The following XRN2 variants were observed in gnomAD, a reference collection of about 807,000 sequenced individuals.
The protein encoded by XRN2 is 5'-3' exoribonuclease 2.
In XRN2, 44 loss-of-function variants were observed where a neutral mutation model predicts 138.5. That is an observed-to-expected ratio of 0.32 (90% CI 0.25 to 0.41). The LOEUF is 0.41. XRN2 is among the 10% of genes least tolerant of loss of function. The pLI, the probability that XRN2 is intolerant of heterozygous loss-of-function variation, is 1.00. For missense variants in XRN2, 937 were observed against 1,169.3 expected, an observed-to-expected ratio of 0.80 and a Z score of 2.90; for synonymous variants, 354 against 369.4, an observed-to-expected ratio of 0.96 and a Z score of 0.48.
intron 13 of XRN2, among the ~76,000 whole-genome samples, chr20:21,338,068 G>A (rs908768997): frequency 9.2e-5 from 14 of 152,146 alleles, no homozygotes; most frequent in Non-Finnish European, 1.6e-4. Context: ...TATGTATCCG[G>A]CATTCAGCTT....
chr20:21,339,963 T>C (rs1033142885), intron 14 of XRN2, among the ~76,000 whole-genome samples: 4 of 152,172 alleles, frequency 2.6e-5, no homozygotes, highest in Non-Finnish European at 5.9e-5. Context: ...TTGCAGTGGG[T>C]TCAAAATCAT....
intron 14 of XRN2, among the ~76,000 whole-genome samples, 162 bp downstream of exon 14, chr20:21,339,250 G>A (rs1392096696): frequency 1.3e-5 from 2 of 152,178 alleles, no homozygotes; most frequent in Non-Finnish European, 2.9e-5. Flanking sequence ...CACTGGTGTC[G>A]ATTTAAAGAA....
intron 9 of XRN2, 115 bp downstream of exon 9, chr20:21,332,555 A>C (rs2038227801): frequency 9.4e-7 from 1 of 1,068,696 alleles, no homozygotes; most frequent in African/African-American, 1.6e-5. Context: ...AAATAGCATT[A>C]AATATTTGAG....
At chr20:21,310,837 C>G (rs1201474505) in intron 1 of XRN2, among the ~76,000 whole-genome samples, 1 of 151,970 alleles carries the variant, frequency 6.6e-6, no homozygotes, top group East Asian at 1.9e-4. Flanking sequence ...CTCCGCCACC[C>G]GGTTTCATGC....
At chr20:21,303,701 G>T in intron 1 of XRN2, 2 of 1,267,492 alleles carry the variant, frequency 1.6e-6, no homozygotes, top group African/African-American at 3.1e-5. Flanking sequence ...GGCCTATAGG[G>T]TTCCGAACTC....
intron 1 of XRN2, among the ~76,000 whole-genome samples, chr20:21,324,378 G>T (rs369771467): frequency 1.4e-4 from 22 of 151,982 alleles, no homozygotes; most frequent in African/African-American, 4.4e-4. Context: ...CCTGAAGTTG[G>T]TGTTTATCAT....
At chr20:21,381,028 T>C (rs1307282412) in intron 27 of XRN2, among the ~76,000 whole-genome samples, 1 of 152,264 alleles carries the variant, frequency 6.6e-6, no homozygotes, top group Non-Finnish European at 1.5e-5. Flanking sequence ...TACTTTTTTC[T>C]TTCTCTCTCT....
intron 1 of XRN2, among the ~76,000 whole-genome samples, chr20:21,323,955 A>AT (rs1198764181): frequency 6.6e-6 from 1 of 151,928 alleles, no homozygotes; most frequent in African/African-American, 2.4e-5. Flanking sequence ...ATATTTACTG[A>AT]TTTTTTTCCT....
At chr20:21,331,863 G>A (rs1363992817) in intron 8 of XRN2, 45 bp downstream of exon 8, 7 of 1,596,394 alleles carry the variant, frequency 4.4e-6, no homozygotes, top group South Asian at 3.4e-5. Context: ...TTAAACCATA[G>A]CAAGTTGATG....
chr20:21,309,353 CTATT>C (rs776366733), intron 1 of XRN2, among the ~76,000 whole-genome samples: 50 of 152,136 alleles, frequency 3.3e-4, no homozygotes, highest in African/African-American at 9.9e-4. Flanking sequence ...TTGAGGTTAC[CTATT>C]TATTTATTTA....
At chr20:21,321,096 T>G (rs950795715) in intron 1 of XRN2, among the ~76,000 whole-genome samples, 5 of 151,948 alleles carry the variant, frequency 3.3e-5, no homozygotes, top group African/African-American at 1.2e-4. Context: ...GCCCACTGCA[T>G]CCTCAACTTC....
chr20:21,325,318 A>G (rs2038108775), intron 1 of XRN2, among the ~76,000 whole-genome samples: 1 of 152,264 alleles, frequency 6.6e-6, no homozygotes, highest in African/African-American at 2.4e-5. Flanking sequence ...AAAGGAAGTA[A>G]CATTTACAAA....
intron 1 of XRN2, among the ~76,000 whole-genome samples, chr20:21,324,407 G>T (rs1171147033): frequency 1.3e-5 from 2 of 151,758 alleles, no homozygotes; most frequent in Non-Finnish European, 2.9e-5. Context: ...TTTTCACCAT[G>T]CTTTCATTGC....
At position 21,381,179 on chromosome 20, in the gene XRN2, C is replaced by T. The variant is rs950578619; in HGVS notation, c.2585-815C>T. Among the ~76,000 whole-genome samples, 11 of 152,072 alleles carry T rather than the reference C, an allele frequency of 7.2e-5. No homozygotes were observed. The South Asian group carries it at 1.0e-3, about 14-fold the overall frequency. ...GTGAGCCTGAATACATTATGGTAAG[C>T]GTTGTCCTTGGTCTCGGGAGTCTAG... On this transcript the variant is annotated intron_variant, in intron 27 of 29. Transcript: ENST00000377191.
At chr20:21,356,387 T>C (rs1050120822) in intron 22 of XRN2, among the ~76,000 whole-genome samples, 199 bp from the exon 23 acceptor site, 9 of 152,216 alleles carry the variant, frequency 5.9e-5, no homozygotes, top group African/African-American at 2.2e-4. Context: ...TGTTAAATAA[T>C]GTATCAGAAT....
intron 1 of XRN2, among the ~76,000 whole-genome samples, chr20:21,314,958 C>T (rs1445907742): frequency 7.2e-5 from 11 of 152,232 alleles, no homozygotes; most frequent in Admixed American, 2.0e-4. Context: ...GAAACATGCC[C>T]GGGGCAGATA....
At position 21,366,218 on chromosome 20, in the gene XRN2, TTA is replaced by T. The variant is rs533971795; in HGVS notation, c.2456+526_2456+527del. Among the ~76,000 whole-genome samples, 8 of 127,768 alleles carry T rather than the reference TTA, an allele frequency of 6.3e-5. No homozygotes were observed. The South Asian group carries it at 9.4e-4, about 15-fold the overall frequency. 83.8% of individuals were successfully genotyped at this position (127,768 alleles called of 152,430 possible). A position where few individuals can be genotyped will look rare whatever the true frequency, so the allele number is the denominator to read the frequency against. On this transcript the variant is annotated intron_variant, in intron 26 of 29. Coordinates refer to ENST00000377191, the MANE Select transcript of XRN2 (RefSeq NM_012255.5). ...TTATAGTTTATATATATAATATAGTTTATATATATATATTATATATATAAACT... is the reference window on the plus strand; with the variant it reads ...TTATAGTTTATATATATAATATAGTTTATATATATATTATATATATAAACT...
intron 1 of XRN2, among the ~76,000 whole-genome samples, chr20:21,314,654 CT>C (rs112271498): frequency 1.8e-3 from 258 of 145,296 alleles, no homozygotes; most frequent in Middle Eastern, 3.6e-3. Context: ...GCTTGGCTAA[CT>C]TTTTTTTTTT....
At chr20:21,364,662 C>G (rs1384123138) in intron 24 of XRN2, among the ~76,000 whole-genome samples, 1 of 151,982 alleles carries the variant, frequency 6.6e-6, no homozygotes, top group African/African-American at 2.4e-5. Context: ...CAAAAATTAG[C>G]CGGGCATGGT....
Sources: allele counts gnomAD v4.1 joint callset (sites outside exome capture counted in the v4.1 genomes callset), GRCh38; gene constraint gnomAD v4.1.1; transcripts MANE v1.5; gene names NCBI Gene and HGNC (gene_info 2026-07-23, HGNC 2026-07-21).